PHTF1: variants seen among roughly 807,000 people sequenced by gnomAD.
PHTF1 encodes the protein protein PHTF1.
PHTF1 carries 88 observed loss-of-function variants against 102.4 expected under a neutral mutation model. The observed-to-expected ratio is 0.86, with a 90% CI of 0.72 to 1.03. PHTF1 has a LOEUF of 1.03. Ranked by LOEUF, PHTF1 falls within the 50% of genes least tolerant of loss-of-function variation. PHTF1 has a pLI of 0.00. For missense variants in PHTF1, 814 were observed against 909.5 expected (o/e 0.89, Z 1.35); for synonymous variants, 289 against 305.2 (o/e 0.95, Z 0.55).
intron 2 of PHTF1, 34 bp downstream of exon 2, chr1:113,758,625 C>A: frequency 7.6e-7 from 1 of 1,315,774 alleles, no homozygotes; most frequent in Non-Finnish European, 1.0e-6. Context: ...AGGAAGAATG[C>A]TTTACAAATA....
At chr1:113,752,866 C>T (rs1317612100) in intron 3 of PHTF1, among the ~76,000 whole-genome samples, 1 of 152,156 alleles carries the variant, frequency 6.6e-6, no homozygotes, top group Admixed American at 6.5e-5. Flanking sequence ...GATATCCCTG[C>T]TTTGTTCCTG....
At chr1:113,741,252 T>A (rs918650897) in intron 3 of PHTF1, among the ~76,000 whole-genome samples, 1 of 152,156 alleles carries the variant, frequency 6.6e-6, no homozygotes. Flanking sequence ...CAACTCACCA[T>A]AAGCTGTAGA....
At chr1:113,736,635 C>T (rs1655542830) in intron 5 of PHTF1, among the ~76,000 whole-genome samples, 1 of 152,062 alleles carries the variant, frequency 6.6e-6, no homozygotes, top group South Asian at 2.1e-4. Context: ...ATCCCAGCTA[C>T]TCGGGAGGTT....
intron 5 of PHTF1, among the ~76,000 whole-genome samples, chr1:113,729,924 T>A (rs1325558774): frequency 6.6e-6 from 1 of 152,236 alleles, no homozygotes; most frequent in African/African-American, 2.4e-5. Context: ...TTTTGCATAT[T>A]GCTACCTGAG....
intron 3 of PHTF1, chr1:113,749,625 A>C (rs1326351003): frequency 1.3e-5 from 2 of 152,236 alleles, no homozygotes; most frequent in Non-Finnish European, 2.9e-5. Flanking sequence ...ATGTGGCTAC[A>C]TGGAATAAGG....
chr1:113,709,234 C>CA (rs1650685595), intron 11 of PHTF1, among the ~76,000 whole-genome samples: 1 of 151,834 alleles, frequency 6.6e-6, no homozygotes, highest in Non-Finnish European at 1.5e-5. Flanking sequence ...AGCTCTGTCC[C>CA]AAAAAAGAAA....
intron 3 of PHTF1, among the ~76,000 whole-genome samples, chr1:113,756,949 C>T (rs1175367132): frequency 5.3e-5 from 8 of 152,142 alleles, no homozygotes; most frequent in Admixed American, 4.6e-4. Context: ...GAGCAGATCA[C>T]AAGGTCAGGA....
chr1:113,742,673 C>T (rs769481281), intron 3 of PHTF1, among the ~76,000 whole-genome samples: 1 of 152,042 alleles, frequency 6.6e-6, no homozygotes, highest in East Asian at 1.9e-4. Context: ...GGGCACTTAT[C>T]ATGAATAGTG....
At chr1:113,729,372 T>G (rs980862651) in intron 5 of PHTF1, among the ~76,000 whole-genome samples, 3 of 152,154 alleles carry the variant, frequency 2.0e-5, no homozygotes, top group African/African-American at 4.8e-5. Flanking sequence ...GTCAATAATT[T>G]AATTGTACAT....
At chr1:113,726,912 G>C (rs1355172100) in intron 5 of PHTF1, among the ~76,000 whole-genome samples, 2 of 152,114 alleles carry the variant, frequency 1.3e-5, no homozygotes, top group Non-Finnish European at 2.9e-5. Context: ...ATTTTCCAAG[G>C]CTACACAGAA....
intron 13 of PHTF1, among the ~76,000 whole-genome samples, chr1:113,705,563 A>G (rs1389366727): frequency 6.6e-6 from 1 of 152,270 alleles, no homozygotes; most frequent in African/African-American, 2.4e-5. Context: ...TCACAAAAAC[A>G]TTATCACATG....
chr1:113,703,970 T>G (rs1249304033), intron 15 of PHTF1, 111 bp downstream of exon 15: 4 of 563,588 alleles, frequency 7.1e-6, no homozygotes, highest in Middle Eastern at 6.2e-4. Context: ...TAGTAAAAAA[T>G]GTAGATGCAT....
intron 15 of PHTF1, among the ~76,000 whole-genome samples, chr1:113,701,826 T>TAAAAAAAAAAAAAAAAAAAA (rs34844793): frequency 6.1e-4 from 17 of 28,002 alleles, no homozygotes; most frequent in South Asian, 1.6e-3. Flanking sequence ...CAATTCCTGG[T>TAAAAAAAAAAAAAAAAAAAA]AAAAAAAAAA....
At chr1:113,703,444 G>C (rs1412344477) in intron 15 of PHTF1, among the ~76,000 whole-genome samples, 2 of 152,198 alleles carry the variant, frequency 1.3e-5, no homozygotes, top group Non-Finnish European at 2.9e-5. Context: ...GTACAGGAGG[G>C]GGTTTCTAGG....
chr1:113,726,323 A>C, intron 6 of PHTF1, 95 bp downstream of exon 6: 1 of 978,728 alleles, frequency 1.0e-6, no homozygotes, highest in Non-Finnish European at 1.5e-6. Flanking sequence ...TGAAAAACAC[A>C]AAAGAGGGAG....
rs931945872 is a variant in PHTF1, at chr1:113,698,455, T to C, written c.2143-68A>G. 14 of 1,459,740 alleles carry C rather than the reference T, an allele frequency of 9.6e-6. No individual in the cohort carries two copies. In the African/African-American group the frequency reaches 2.0e-4, roughly 20 times the overall value. The allele number at this position is 1,459,740 out of a possible 1,614,324, so 90.4% of individuals were successfully genotyped here. A position where few individuals can be genotyped will look rare whatever the true frequency, so the allele number is the denominator to read the frequency against. On this transcript the variant is annotated intron_variant, in intron 17 of 18. Coordinates refer to ENST00000369604, the MANE Select transcript of PHTF1 (RefSeq NM_001323043.2). ...TCATAGCTACTCAGTGACTTCTTGC[T>C]GTGTTTTGTCTTGGGTATAGATGAA... is the stretch of plus-strand genomic sequence containing the variant.
chr1:113,717,165 G>C (rs1489511618), intron 7 of PHTF1, among the ~76,000 whole-genome samples: 1 of 151,652 alleles, frequency 6.6e-6, no homozygotes, highest in Non-Finnish European at 1.5e-5. Flanking sequence ...AAAAAAATAG[G>C]TTATAAAATA....
chr1:113,726,210 T>A (rs1427849143), intron 6 of PHTF1, among the ~76,000 whole-genome samples: 18 of 152,094 alleles, frequency 1.2e-4, no homozygotes, highest in Admixed American at 1.2e-3. Flanking sequence ...CTGTACTGAA[T>A]GACAAAAATC....
At chr1:113,735,105 C>A (rs1408930128) in intron 5 of PHTF1, among the ~76,000 whole-genome samples, 1 of 151,934 alleles carries the variant, frequency 6.6e-6, no homozygotes, top group East Asian at 1.9e-4. Flanking sequence ...GTGGCTCACA[C>A]CTGTAATCCC....
Sources: allele counts gnomAD v4.1 joint callset (sites outside exome capture counted in the v4.1 genomes callset), GRCh38; gene constraint gnomAD v4.1.1; transcripts MANE v1.5; gene names NCBI Gene and HGNC (gene_info 2026-07-23, HGNC 2026-07-21).